GSE1: variants seen among roughly 807,000 people sequenced by gnomAD.
GSE1 encodes the protein genetic suppressor element 1.
GSE1 carries 32 observed loss-of-function variants against 112.6 expected under a neutral mutation model. The ratio of observed to expected loss-of-function variants is 0.28; its 90% confidence interval spans 0.21 to 0.38. The LOEUF is 0.38. Among genes scored for constraint, GSE1 ranks in the 10% least tolerant of loss-of-function variants. The pLI is 1.00. For synonymous variants in GSE1, 1,115 were observed against 735.6 expected, an observed-to-expected ratio of 1.52 and a Z score of -8.35; for missense variants, 2,348 against 1,699.2, an observed-to-expected ratio of 1.38 and a Z score of -6.71.
Position 85,668,141 on chromosome 16 carries a change from G to A in GSE1, c.3132G>A (p.Gly1044=). ...ATGCAAGCCCTGTCCCCTCCACAGG[G>A]AGCGTGGCTGTGCTGTCTGCAGAGC... is the stretch of plus-strand genomic sequence containing the variant. ...STQKALQKHK[G]SVAVLSAEQN... The change falls in exon 14 of 16, where the codon GGG becomes GGA. Residue 1044 remains glycine, a splice_region_variant and synonymous_variant. Transcript: ENST00000253458. 1 of 1,572,024 alleles carries A rather than the reference G, an allele frequency of 6.4e-7. No homozygotes were observed. Among genetic ancestry groups the A allele is most frequent in the Non-Finnish European group, 8.7e-7 (1 of 1,155,908 alleles).
intron 1 of GSE1, among the ~76,000 whole-genome samples, chr16:85,588,599 C>T (rs139578826): frequency 7.3e-4 from 111 of 152,348 alleles, no homozygotes; most frequent in African/African-American, 2.5e-3. Context: ...CTTTATTTCT[C>T]GGGATTGATA....
chr16:85,471,124 C>T (rs2050281040), intron 2 of GSE1, among the ~76,000 whole-genome samples: 2 of 152,066 alleles, frequency 1.3e-5, no homozygotes, highest in Non-Finnish European at 2.9e-5. Context: ...CGGCTCGGTC[C>T]TCCCCCATTC....
chr16:85,647,272 C>T (rs1330234909), intron 2 of GSE1, among the ~76,000 whole-genome samples: 2 of 152,150 alleles, frequency 1.3e-5, no homozygotes, highest in Non-Finnish European at 2.9e-5. Context: ...CCCCCTGCTA[C>T]CCGCGGGGCT....
chr16:85,223,186 A>G (rs1457909349), intron 1 of GSE1, among the ~76,000 whole-genome samples: 1 of 152,198 alleles, frequency 6.6e-6, no homozygotes, highest in South Asian at 2.1e-4. Flanking sequence ...GAATTCAGTC[A>G]TGCCAAATGG....
chr16:85,644,850 C>T (rs548539671), intron 2 of GSE1, among the ~76,000 whole-genome samples: 1,273 of 59,020 alleles, frequency 0.022, 25 homozygotes, highest in Admixed American at 0.069. Flanking sequence ...CATGGAGGTT[C>T]CATGGAATTT....
In GSE1 at chr16:85,578,105, G is replaced by C. The variant is rs533599386; in HGVS notation, c.37+21742G>C. The stretch of plus-strand genomic sequence containing the variant: ...TTCCGTTGAATTCCGGCCCCTCCCA[G>C]CTCTCCACTCTGGCTGGCACCCAGC... On this transcript the variant is annotated intron_variant, in intron 1 of 2. Coordinates refer to the GSE1 transcript ENST00000635906. 2.6e-5 allele frequency among the ~76,000 whole-genome samples: 4 copies of C among 152,340 alleles called. No individual in the cohort carries two copies. The South Asian group carries it at 8.3e-4, about 32-fold the overall frequency.
At chr16:85,639,606 G>C (rs927608294) in intron 2 of GSE1, among the ~76,000 whole-genome samples, 2 of 152,242 alleles carry the variant, frequency 1.3e-5, no homozygotes, top group African/African-American at 4.8e-5. Context: ...AGGGTGCCCC[G>C]GGAACGCCTG....
chr16:85,613,098 G>T (rs1166334664), upstream of GSE1: 2 of 875,216 alleles, frequency 2.3e-6, no homozygotes, highest in African/African-American at 3.6e-5. Context: ...GCGCCCGTCG[G>T]TGCGCGCGCG....
intron 1 of GSE1, among the ~76,000 whole-genome samples, chr16:85,214,378 C>A (rs889313614): frequency 3.3e-5 from 5 of 152,150 alleles, no homozygotes; most frequent in Admixed American, 6.5e-5. Flanking sequence ...GATGTCCTCA[C>A]AAGAAGAAGG....
chr16:85,355,498 C>A (rs965143906), intron 1 of GSE1, among the ~76,000 whole-genome samples: 3 of 152,212 alleles, frequency 2.0e-5, no homozygotes, highest in Non-Finnish European at 2.9e-5. Flanking sequence ...GATGGGCCAA[C>A]AACAGCAGCC....
chr16:85,425,369 G>T (rs367779429), intron 2 of GSE1, among the ~76,000 whole-genome samples: 1 of 151,802 alleles, frequency 6.6e-6, no homozygotes, highest in South Asian at 2.1e-4. Context: ...GGGTGGAGTT[G>T]CTGGACCCAG....
At chr16:85,355,318 A>T (rs918276331) in intron 1 of GSE1, among the ~76,000 whole-genome samples, 3 of 151,980 alleles carry the variant, frequency 2.0e-5, no homozygotes, top group African/African-American at 7.3e-5. Context: ...AGGGTCACCA[A>T]CCCCCACGAC....
intron 1 of GSE1, among the ~76,000 whole-genome samples, chr16:85,355,930 G>A (rs2046942698): frequency 6.6e-6 from 1 of 152,256 alleles, no homozygotes; most frequent in Non-Finnish European, 1.5e-5. Flanking sequence ...GGGAGGCTGA[G>A]GCAGGGGAAT....
chr16:85,397,967 G>C (rs1246788886), intron 2 of GSE1, among the ~76,000 whole-genome samples: 2 of 141,322 alleles, frequency 1.4e-5, no homozygotes, highest in Admixed American at 7.1e-5. Flanking sequence ...AGACCAGTTA[G>C]TTCCGAATCG....
At chr16:85,351,864 C>T (rs1261988239) in intron 1 of GSE1, among the ~76,000 whole-genome samples, 1 of 152,110 alleles carries the variant, frequency 6.6e-6, no homozygotes, top group African/African-American at 2.4e-5. Flanking sequence ...GTGGCGGCCA[C>T]CTGTAGTCCC....
chr16:85,403,065 A>G (rs1481288966), intron 2 of GSE1, among the ~76,000 whole-genome samples: 1 of 145,394 alleles, frequency 6.9e-6, no homozygotes, highest in African/African-American at 2.5e-5. Flanking sequence ...GGAAGGATCT[A>G]CTCCCAAGCC....
At chr16:85,654,054 G>A (rs979149377) in intron 3 of GSE1, among the ~76,000 whole-genome samples, 17 of 152,266 alleles carry the variant, frequency 1.1e-4, no homozygotes, top group Admixed American at 7.8e-4. Context: ...GACGGATCCC[G>A]AGACGCACTT....
chr16:85,574,599 A>G (rs1446476272), intron 1 of GSE1, among the ~76,000 whole-genome samples: 1 of 152,208 alleles, frequency 6.6e-6, no homozygotes, highest in Non-Finnish European at 1.5e-5. Flanking sequence ...GGCCTAGGTC[A>G]TTCCTTTCTG....
chr16:85,361,254 C>G lies in GSE1; in HGVS notation c.2464+3611C>G, dbSNP rs553639165. ...GAGACACACATAGACAGGCACAGAC[C>G]CCCCACACACAAACATACAGACGCA... On this transcript the variant is annotated intron_variant, in intron 2 of 2. Coordinates refer to the GSE1 transcript ENST00000637419. 2.8e-4 allele frequency among the ~76,000 whole-genome samples: 40 copies of G among 140,696 alleles called. 1 individual carries two copies. The South Asian group carries it at 4.1e-3, about 15-fold the overall frequency. The allele number at this position is 140,696 out of a possible 152,430, so 92.3% of individuals were successfully genotyped here. A position where few individuals can be genotyped will look rare whatever the true frequency, so the allele number is the denominator to read the frequency against.
Sources: gnomAD v4.1 joint callset for allele counts (sites outside exome capture counted in the v4.1 genomes callset) on GRCh38, gnomAD v4.1.1 for gene constraint, MANE v1.5 for transcripts, NCBI Gene and HGNC (gene_info 2026-07-23, HGNC 2026-07-21) for gene names.